HCRTR2: variants seen among roughly 807,000 people sequenced by gnomAD.
HCRTR2 encodes hypocretin receptor 2.
A neutral mutation model predicts 49.0 loss-of-function variants in HCRTR2; 22 were observed. The ratio of observed to expected loss-of-function variants is 0.45; its 90% CI spans 0.32 to 0.64. The LOEUF (loss-of-function observed/expected upper bound fraction) is 0.64. Among genes scored for constraint, HCRTR2 ranks in the 30% least tolerant of loss-of-function variants. The pLI, the probability that HCRTR2 is intolerant of heterozygous loss-of-function variation, is 0.04. For synonymous variants in HCRTR2, 236 were observed against 205.3 expected, an observed-to-expected ratio of 1.15 and a Z score of -1.28; for missense variants, 491 against 559.4, an observed-to-expected ratio of 0.88 and a Z score of 1.23.
chr6:55,252,791 C>A (rs1435203988), intron 2 of HCRTR2, among the ~76,000 whole-genome samples: 3 of 152,000 alleles, frequency 2.0e-5, no homozygotes, highest in Non-Finnish European at 4.4e-5. Flanking sequence ...TATGAATATT[C>A]TTCTCTGAAA....
intron 1 of HCRTR2, among the ~76,000 whole-genome samples, chr6:55,239,895 AG>A (rs1278073875): frequency 6.7e-6 from 1 of 148,550 alleles, no homozygotes; most frequent in Non-Finnish European, 1.5e-5. Flanking sequence ...CTCCCGCCTT[AG>A]CCTCCGGAGT....
chr6:55,121,962 A>T (rs1764206231), intron 1 of HCRTR2, among the ~76,000 whole-genome samples: 1 of 152,106 alleles, frequency 6.6e-6, no homozygotes, highest in Non-Finnish European at 1.5e-5. Flanking sequence ...TGGTATCAGG[A>T]TGATGGTGGC....
At chr6:55,240,888 T>C (rs887660991) in intron 1 of HCRTR2, 11 of 243,244 alleles carry the variant, frequency 4.5e-5, no homozygotes, top group Middle Eastern at 1.0e-3. Flanking sequence ...AGAAATGTTG[T>C]TTTATTTCAC....
rs188862963 is a variant in HCRTR2, at chr6:55,250,387, C to T, written c.402+1570C>T. Among the ~76,000 whole-genome samples, 51 of 152,206 alleles carry T rather than the reference C, an allele frequency of 3.4e-4. No individual in the cohort carries two copies. In the East Asian group the frequency reaches 8.5e-3, roughly 25 times the overall value. On this transcript the variant is annotated intron_variant, in intron 2 of 6. Transcript: ENST00000370862. Reference sequence around the variant, plus strand: ...TCAGATAATTCTAATATTTCATTATCTCTGTGGTACTTCCAGAAAGCCTTT... The same window carrying T: ...TCAGATAATTCTAATATTTCATTATTTCTGTGGTACTTCCAGAAAGCCTTT...
At chr6:55,203,713 C>T (rs969547370) in intron 1 of HCRTR2, among the ~76,000 whole-genome samples, 50 of 152,022 alleles carry the variant, frequency 3.3e-4, no homozygotes, top group African/African-American at 1.1e-3. Context: ...TAGGAAAGAA[C>T]ATTTCCAATA....
At chr6:55,142,381 T>G (rs1433913842) in intron 1 of HCRTR2, among the ~76,000 whole-genome samples, 6 of 113,256 alleles carry the variant, frequency 5.3e-5, no homozygotes, top group Non-Finnish European at 7.6e-5. Context: ...TTTTTTTTTT[T>G]GTATTTTTAA....
At chr6:55,278,809 C>G (rs1173056315) in intron 5 of HCRTR2, among the ~76,000 whole-genome samples, 2 of 151,212 alleles carry the variant, frequency 1.3e-5, no homozygotes, top group African/African-American at 4.9e-5. Context: ...GCTAGATACT[C>G]TCTTCTGCTT....
intron 4 of HCRTR2, among the ~76,000 whole-genome samples, chr6:55,272,846 C>T (rs1335245129): frequency 7.0e-6 from 1 of 143,564 alleles, no homozygotes; most frequent in Admixed American, 6.8e-5. Context: ...AGAGGGAAAA[C>T]CTTTTTTTTT....
Position 55,181,895 on chromosome 6 carries a change from T to G in HCRTR2, c.223+7085T>G, listed in dbSNP as rs1395365069. ...AACTTGTTAAACATAAAATAATAAT[T>G]TCGATGTTTTAATTTACAGTAAGAG... On this transcript the variant is annotated intron_variant, in intron 1 of 6. Coordinates refer to ENST00000370862, the MANE Select transcript of HCRTR2 (RefSeq NM_001384272.1). Among the ~76,000 whole-genome samples the G allele has an allele frequency of 7.2e-5, 11 of 152,178 alleles. No individual in the cohort carries two copies. The East Asian group carries it at 2.1e-3, about 29-fold the overall frequency.
intron 1 of HCRTR2, among the ~76,000 whole-genome samples, chr6:55,213,235 A>C (rs1765727447): frequency 6.6e-6 from 1 of 152,194 alleles, no homozygotes; most frequent in African/African-American, 2.4e-5. Context: ...ATAGCAGCAC[A>C]TAGAATCTTG....
chr6:55,116,715 G>GAGAGGAAAA (rs55778468), intron 1 of HCRTR2, among the ~76,000 whole-genome samples: 1 of 88,520 alleles, frequency 1.1e-5, no homozygotes, highest in African/African-American at 3.9e-5. Flanking sequence ...AAGAGAGAGA[G>GAGAGGAAAA]AAAAAAAAAA....
intron 1 of HCRTR2, among the ~76,000 whole-genome samples, chr6:55,234,561 A>G (rs1292406875): frequency 6.6e-6 from 1 of 152,192 alleles, no homozygotes; most frequent in Admixed American, 6.5e-5. Context: ...AAATGTGGAT[A>G]AAACTTCTGT....
At chr6:55,265,300 CTATTATTG>C (rs1766841325) in intron 4 of HCRTR2, among the ~76,000 whole-genome samples, 1 of 152,024 alleles carries the variant, frequency 6.6e-6, no homozygotes, top group African/African-American at 2.4e-5. Flanking sequence ...TTCCTAGTAC[CTATTATTG>C]TATCTGTCAG....
At chr6:55,213,272 G>T (rs913568893) in intron 1 of HCRTR2, among the ~76,000 whole-genome samples, 2 of 152,044 alleles carry the variant, frequency 1.3e-5, no homozygotes, top group African/African-American at 2.4e-5. Flanking sequence ...GTTTATGAAA[G>T]GTTAGAATAG....
At chr6:55,253,861 G>T (rs565498695) in intron 2 of HCRTR2, among the ~76,000 whole-genome samples, 1 of 151,924 alleles carries the variant, frequency 6.6e-6, no homozygotes, top group African/African-American at 2.4e-5. Context: ...GGAACAACAC[G>T]CACTGGGGCC....
Position 55,275,248 on chromosome 6 carries a change from G to A in HCRTR2, c.763-2132G>A, listed in dbSNP as rs542843695. Among the ~76,000 whole-genome samples, 8 of 152,158 alleles carry A rather than the reference G, an allele frequency of 5.3e-5. No homozygotes were observed. In the South Asian group the frequency reaches 6.2e-4, roughly 12 times the overall value. ...TTTTGCATTAAATATGATTTATAAAGTTTATTCATAATAGTGAAATAAAAG... is the reference window on the plus strand; with the variant it reads ...TTTTGCATTAAATATGATTTATAAAATTTATTCATAATAGTGAAATAAAAG... On this transcript the variant is annotated intron_variant, in intron 4 of 6. Coordinates refer to ENST00000370862, the MANE Select transcript of HCRTR2 (RefSeq NM_001384272.1).
intron 1 of HCRTR2, among the ~76,000 whole-genome samples, chr6:55,121,966 T>A (rs1764206311): frequency 6.6e-6 from 1 of 152,194 alleles, no homozygotes; most frequent in African/African-American, 2.4e-5. Flanking sequence ...ATCAGGATGA[T>A]GGTGGCCTCA....
chr6:55,250,804 C>G (rs1766534677), intron 2 of HCRTR2, among the ~76,000 whole-genome samples: 1 of 152,152 alleles, frequency 6.6e-6, no homozygotes, highest in Non-Finnish European at 1.5e-5. Context: ...CTGTCTGCCT[C>G]TCTGCACACA....
At chr6:55,260,809 A>G (rs752938933) in intron 3 of HCRTR2, among the ~76,000 whole-genome samples, 11 of 152,190 alleles carry the variant, frequency 7.2e-5, no homozygotes, top group Admixed American at 5.9e-4. Flanking sequence ...TGCTCAATAA[A>G]TATTATCTAT....
Sources: gnomAD v4.1 joint callset for allele counts (sites outside exome capture counted in the v4.1 genomes callset) on GRCh38, gnomAD v4.1.1 for gene constraint, MANE v1.5 for transcripts, NCBI Gene and HGNC (gene_info 2026-07-23, HGNC 2026-07-21) for gene names.